The following EPHA6 variants were observed in gnomAD, a reference collection of about 807,000 sequenced individuals.
The protein encoded by EPHA6 is EPH receptor A6.
EPHA6 carries 50 observed loss-of-function variants against 112.0 expected under a neutral mutation model. That is an observed-to-expected ratio of 0.45 (90% CI 0.36 to 0.56). EPHA6 has a LOEUF of 0.56. Ranked by LOEUF, EPHA6 falls within the 20% of genes least tolerant of loss-of-function variation. EPHA6 has a pLI of 0.00. For synonymous variants in EPHA6, 529 were observed against 490.7 expected (o/e 1.08, Z -1.03); for missense variants, 1,280 against 1,417.4 (o/e 0.90, Z 1.56).
intron 14 of EPHA6, among the ~76,000 whole-genome samples, chr3:97,653,421 C>T (rs557568412): frequency 9.9e-5 from 15 of 151,988 alleles, no homozygotes; most frequent in African/African-American, 3.1e-4. Flanking sequence ...CATCACTAAT[C>T]GTCATGGAAA....
At chr3:96,921,029 C>T (rs1268085053) in intron 2 of EPHA6, among the ~76,000 whole-genome samples, 1 of 151,996 alleles carries the variant, frequency 6.6e-6, no homozygotes, top group African/African-American at 2.4e-5. Flanking sequence ...AGTTAATTCT[C>T]ATGCAGATAT....
intron 14 of EPHA6, among the ~76,000 whole-genome samples, chr3:97,705,993 T>A (rs374969902): frequency 6.6e-6 from 1 of 152,194 alleles, no homozygotes; most frequent in Non-Finnish European, 1.5e-5. Flanking sequence ...ATGATATACT[T>A]AAACCTGAGC....
At chr3:96,988,766 T>C (rs1309178735) in intron 3 of EPHA6, among the ~76,000 whole-genome samples, 1 of 152,124 alleles carries the variant, frequency 6.6e-6, no homozygotes, top group Non-Finnish European at 1.5e-5. Flanking sequence ...GACATCTAAT[T>C]GTCAGGAAAT....
At chr3:96,831,222 A>T (rs1014270533) in intron 1 of EPHA6, among the ~76,000 whole-genome samples, 8 of 152,010 alleles carry the variant, frequency 5.3e-5, no homozygotes, top group African/African-American at 1.7e-4. Context: ...TTCTTCATTT[A>T]TCACCTGTTT....
intron 16 of EPHA6, among the ~76,000 whole-genome samples, chr3:97,741,084 C>T (rs2035486901): frequency 6.6e-6 from 1 of 152,126 alleles, no homozygotes; most frequent in African/African-American, 2.4e-5. Context: ...GGCTCAGTGG[C>T]TCACACCTGT....
intron 2 of EPHA6, among the ~76,000 whole-genome samples, chr3:96,957,610 G>T (rs1462964339): frequency 6.6e-6 from 1 of 152,110 alleles, no homozygotes; most frequent in Non-Finnish European, 1.5e-5. Context: ...GAAAATAATA[G>T]AATCCTTGAG....
chr3:97,594,255 T>G (rs2093568623), intron 12 of EPHA6, among the ~76,000 whole-genome samples: 1 of 152,180 alleles, frequency 6.6e-6, no homozygotes, highest in Non-Finnish European at 1.5e-5. Flanking sequence ...CCTTTGTCAT[T>G]TAGCTACTGA....
chr3:97,722,892 T>C (rs895152083), intron 15 of EPHA6, among the ~76,000 whole-genome samples: 2 of 152,252 alleles, frequency 1.3e-5, no homozygotes, highest in East Asian at 3.9e-4. Context: ...CCCCAGATTA[T>C]GGCACCACCC....
intron 10 of EPHA6, among the ~76,000 whole-genome samples, chr3:97,495,558 TTTCA>T (rs1057463422): frequency 5.3e-5 from 8 of 152,126 alleles, no homozygotes; most frequent in African/African-American, 1.9e-4. Context: ...TCCTATTCAA[TTTCA>T]TTGTGTTTCT....
intron 7 of EPHA6, among the ~76,000 whole-genome samples, chr3:97,457,833 G>A (rs551538502): frequency 2.0e-5 from 3 of 151,990 alleles, no homozygotes; most frequent in African/African-American, 4.8e-5. Context: ...TTGGAAGGCC[G>A]AGGGGGGCGG....
chr3:97,171,286 A>C (rs1388884908), intron 3 of EPHA6, among the ~76,000 whole-genome samples: 1 of 152,200 alleles, frequency 6.6e-6, no homozygotes, highest in South Asian at 2.1e-4. Context: ...GGAATTAACT[A>C]CTATCTAATG....
intron 3 of EPHA6, among the ~76,000 whole-genome samples, chr3:97,149,175 T>G (rs1255646392): frequency 1.3e-5 from 2 of 152,114 alleles, no homozygotes; most frequent in Non-Finnish European, 2.9e-5. Flanking sequence ...GAACTGTCAC[T>G]AGGTTACAGT....
chr3:97,703,392 A>G (rs1460253133), intron 14 of EPHA6, among the ~76,000 whole-genome samples: 1 of 152,204 alleles, frequency 6.6e-6, no homozygotes, highest in Non-Finnish European at 1.5e-5. Flanking sequence ...TCCTACAAGT[A>G]GGTAGTTTTT....
intron 11 of EPHA6, among the ~76,000 whole-genome samples, chr3:97,538,230 A>G (rs2092790297): frequency 6.6e-6 from 1 of 152,156 alleles, no homozygotes; most frequent in Non-Finnish European, 1.5e-5. Context: ...AGAAGTCAAG[A>G]GAAAAAGAAA....
intron 6 of EPHA6, among the ~76,000 whole-genome samples, chr3:97,417,996 T>G (rs190460254): frequency 5.9e-5 from 9 of 152,232 alleles, no homozygotes; most frequent in Admixed American, 5.2e-4. Flanking sequence ...ACAGATTTAG[T>G]ATCCCAAGGA....
At chr3:96,897,879 T>C (rs1367435412) in intron 2 of EPHA6, among the ~76,000 whole-genome samples, 1 of 152,156 alleles carries the variant, frequency 6.6e-6, no homozygotes, top group Admixed American at 6.5e-5. Context: ...CTTCCTTTGA[T>C]TATGGAAAGT....
rs1181168449 is a variant in EPHA6, at chr3:97,752,897, AG to A, written c.*4197del. On this transcript the variant is annotated 3_prime_UTR_variant, in exon 18 of 18. Coordinates refer to ENST00000389672, the MANE Select transcript of EPHA6 (RefSeq NM_001080448.3). ...TTGAAGCATATGTATCACTTCTTTTAGTATGAGCATCTTAACTTTTCCAATC... is the reference window on the plus strand; with the variant it reads ...TTGAAGCATATGTATCACTTCTTTTATATGAGCATCTTAACTTTTCCAATC... Among the ~76,000 whole-genome samples the A allele has an allele frequency of 6.6e-6, 1 of 152,108 alleles. No homozygotes were observed. Among genetic ancestry groups the A allele is most frequent in the Non-Finnish European group, 1.5e-5 (1 of 67,980 alleles).
At chr3:96,982,223 T>A (rs1417263408) in intron 2 of EPHA6, among the ~76,000 whole-genome samples, 1 of 152,242 alleles carries the variant, frequency 6.6e-6, no homozygotes, top group Non-Finnish European at 1.5e-5. Flanking sequence ...CACACTGCTT[T>A]GAATGTGTCC....
chr3:97,705,437 C>T (rs1250397296), intron 14 of EPHA6, among the ~76,000 whole-genome samples: 2 of 152,128 alleles, frequency 1.3e-5, no homozygotes, highest in African/African-American at 4.8e-5. Flanking sequence ...TTAGAAAAAC[C>T]TGTTACATGA....
Sources: gnomAD v4.1 joint callset for allele counts (sites outside exome capture counted in the v4.1 genomes callset) on GRCh38, gnomAD v4.1.1 for gene constraint, MANE v1.5 for transcripts, NCBI Gene and HGNC (gene_info 2026-07-23, HGNC 2026-07-21) for gene names.